Variants in FHIT observed in about 807,000 individuals in gnomAD.
FHIT encodes fragile histidine triad diadenosine triphosphatase.
A neutral mutation model predicts 17.9 loss-of-function variants in FHIT; 19 were observed. The ratio of observed to expected loss-of-function variants is 1.06; its 90% CI spans 0.74 to 1.56. FHIT has a LOEUF of 1.56. Among genes scored for constraint, FHIT ranks in the 40% most tolerant of loss-of-function variants. FHIT has a pLI of 0.00. For missense variants in FHIT, 248 were observed against 189.2 expected, an observed-to-expected ratio of 1.31 and a Z score of -1.82; for synonymous variants, 81 against 69.7, an observed-to-expected ratio of 1.16 and a Z score of -0.81.
At chr3:60,816,098 GA>G (rs1553737600) in intron 4 of FHIT, among the ~76,000 whole-genome samples, 1 of 152,084 alleles carries the variant, frequency 6.6e-6, no homozygotes, top group East Asian at 1.9e-4. Flanking sequence ...TTAATGACCT[GA>G]AACTTTACTG....
At chr3:59,815,292 T>C (rs1309703482) in intron 8 of FHIT, among the ~76,000 whole-genome samples, 2 of 152,154 alleles carry the variant, frequency 1.3e-5, no homozygotes, top group Non-Finnish European at 2.9e-5. Flanking sequence ...GAATGTCAAC[T>C]AGTACAACCA....
rs1429011411 is a variant in FHIT at position 60,218,529 on chromosome 3, C to G, written c.104-204377G>C. Among the ~76,000 whole-genome samples, 10 of 152,174 alleles carry G rather than the reference C, an allele frequency of 6.6e-5. No homozygotes were observed. In the East Asian group the frequency reaches 1.9e-3, roughly 29 times the overall value. On this transcript the variant is annotated intron_variant, in intron 5 of 9. Transcript: ENST00000492590. ...TTCTAACAAATGTTATCTTTAATAA[C>G]AAACACATATGGCCTTTAAACTTTC...
chr3:60,339,220 C>CT (rs1167130200), intron 5 of FHIT, among the ~76,000 whole-genome samples: 2 of 151,544 alleles, frequency 1.3e-5, no homozygotes, highest in South Asian at 4.2e-4. Context: ...TTTTTCTTTC[C>CT]TTTTTTTTCT....
At chr3:60,973,467 T>C (rs1710110557) in intron 3 of FHIT, among the ~76,000 whole-genome samples, 2 of 152,174 alleles carry the variant, frequency 1.3e-5, no homozygotes, top group African/African-American at 4.8e-5. Flanking sequence ...GAAAATTCCA[T>C]GCAGTATGTT....
In FHIT at chr3:60,235,610, T is replaced by C. The variant is rs1674671396; in HGVS notation, c.104-221458A>G. ...GAAACATTGTATACAGACTCAGACT[T>C]AACCTCAATGTGAACATACACAGCA... On this transcript the variant is annotated intron_variant, in intron 5 of 9. Coordinates refer to ENST00000492590, the MANE Select transcript of FHIT (RefSeq NM_002012.4). 2.0e-5 allele frequency among the ~76,000 whole-genome samples: 3 copies of C among 152,266 alleles called. 1 individual carries two copies. The South Asian group carries it at 6.2e-4, about 32-fold the overall frequency.
Position 60,043,281 on chromosome 3 carries a change from T to C in FHIT, c.104-29129A>G, listed in dbSNP as rs142161133. Among the ~76,000 whole-genome samples, 342 of 152,352 alleles carry C rather than the reference T, an allele frequency of 2.2e-3. 3 individuals are homozygous for C. The highest frequency in any genetic ancestry group is 7.0e-3 in the South Asian group (34 of 4,830). The stretch of plus-strand genomic sequence containing the variant: ...CTTTGGGACATTAAACCCATGATAA[T>C]ACTTTTAATATAATTCTGTGTGAAC... On this transcript the variant is annotated intron_variant, in intron 5 of 9. Coordinates refer to ENST00000492590, the MANE Select transcript of FHIT (RefSeq NM_002012.4).
chr3:60,823,922 G>A (rs531259348), intron 3 of FHIT, among the ~76,000 whole-genome samples: 72 of 152,290 alleles, frequency 4.7e-4, no homozygotes, highest in African/African-American at 1.7e-3. Flanking sequence ...TCCCAGGCAG[G>A]TGCATGTTTG....
intron 8 of FHIT, among the ~76,000 whole-genome samples, chr3:59,914,800 AT>A (rs1705053369): frequency 6.7e-6 from 1 of 149,512 alleles, no homozygotes; most frequent in African/African-American, 2.5e-5. Flanking sequence ...ATCATAATTT[AT>A]TTTTCCAATA....
chr3:60,422,411 T>A (rs1476752751), intron 5 of FHIT, among the ~76,000 whole-genome samples: 1 of 152,190 alleles, frequency 6.6e-6, no homozygotes, highest in Non-Finnish European at 1.5e-5. Context: ...TAGACTTCAA[T>A]GCTTTTTCCT....
intron 4 of FHIT, among the ~76,000 whole-genome samples, chr3:60,712,323 T>C (rs2041558000): frequency 6.6e-6 from 1 of 152,170 alleles, no homozygotes; most frequent in Non-Finnish European, 1.5e-5. Context: ...TGCAAAATCA[T>C]GCCAAAATGT....
chr3:60,606,371 G>T (rs2038608844), intron 4 of FHIT, among the ~76,000 whole-genome samples: 1 of 151,892 alleles, frequency 6.6e-6, no homozygotes, highest in Non-Finnish European at 1.5e-5. Context: ...CTCCCAAGTA[G>T]CTGGGACTAC....
intron 5 of FHIT, among the ~76,000 whole-genome samples, chr3:60,097,751 A>G (rs1244539574): frequency 6.6e-6 from 1 of 150,676 alleles, no homozygotes; most frequent in Non-Finnish European, 1.5e-5. Context: ...TTTAGGGTAC[A>G]TGTGCACAAT....
At chr3:60,130,763 T>TACACAC (rs1699510927) in intron 5 of FHIT, among the ~76,000 whole-genome samples, 1 of 1,936 alleles carries the variant, frequency 5.2e-4, no homozygotes, top group African/African-American at 2.8e-3. Flanking sequence ...TGTGTGTGTG[T>TACACAC]GTTTGTGTGT....
intron 5 of FHIT, among the ~76,000 whole-genome samples, chr3:60,387,326 T>A (rs758558736): frequency 5.3e-5 from 8 of 152,090 alleles, no homozygotes; most frequent in Non-Finnish European, 7.4e-5. Context: ...CTAATCTGCA[T>A]TCTCCCTGCA....
intron 5 of FHIT, among the ~76,000 whole-genome samples, chr3:60,054,649 A>G (rs1702010707): frequency 6.6e-6 from 1 of 152,188 alleles, no homozygotes. Context: ...TCTGCTTATT[A>G]ATAATACCCA....
intron 3 of FHIT, among the ~76,000 whole-genome samples, chr3:60,962,062 C>T (rs558213737): frequency 2.2e-4 from 34 of 152,280 alleles, no homozygotes; most frequent in African/African-American, 7.7e-4. Context: ...TACCCATGAG[C>T]GTGGAATGTT....
chr3:61,231,728 G>A (rs2040107128), intron 1 of FHIT, among the ~76,000 whole-genome samples: 1 of 152,262 alleles, frequency 6.6e-6, no homozygotes, highest in East Asian at 1.9e-4. Context: ...TTCACAGAGA[G>A]TAACACCTAG....
intron 4 of FHIT, among the ~76,000 whole-genome samples, chr3:60,784,158 A>G (rs956536796): frequency 6.6e-6 from 1 of 152,036 alleles, no homozygotes; most frequent in Admixed American, 6.6e-5. Flanking sequence ...AGACCTGCCA[A>G]TAGGCTCCTG....
At chr3:59,980,562 G>A (rs1334526093) in intron 7 of FHIT, among the ~76,000 whole-genome samples, 1 of 152,148 alleles carries the variant, frequency 6.6e-6, no homozygotes, top group Admixed American at 6.5e-5. Flanking sequence ...AACTAGTGGA[G>A]CTCCTGGATC....
Sources: allele counts gnomAD v4.1 joint callset (sites outside exome capture counted in the v4.1 genomes callset), GRCh38; gene constraint gnomAD v4.1.1; transcripts MANE v1.5; gene names NCBI Gene and HGNC (gene_info 2026-07-23, HGNC 2026-07-21).